Variants in STS observed in about 807,000 individuals in gnomAD.
STS encodes steryl-sulfatase.
In STS, 7 loss-of-function variants were observed where a neutral mutation model predicts 26.8. The ratio of observed to expected loss-of-function variants is 0.26; its 90% CI spans 0.15 to 0.49. The LOEUF is 0.49. Among genes scored for constraint, STS ranks in the 20% least tolerant of loss-of-function variants. The probability of loss-of-function intolerance (pLI) is 0.98; values close to 1 mark genes in which losing one functional copy is unlikely to be tolerated. For synonymous variants in STS, 199 were observed against 189.4 expected (o/e 1.05, Z -0.42); for missense variants, 434 against 465.6 (o/e 0.93, Z 0.63).
chrX:7,163,042 G>C (rs1159721089), intron 1 of STS, among the ~76,000 whole-genome samples: 1 of 84,877 alleles, frequency 1.2e-5, no homozygotes, highest in East Asian at 3.7e-4. Flanking sequence ...GGGCGACAGA[G>C]CAAGACTCCG....
At chrX:7,247,092 A>G in intron 2 of STS, among the ~76,000 whole-genome samples, 2 of 112,362 alleles carry the variant, frequency 1.8e-5, no homozygotes, top group Middle Eastern at 9.1e-3. Flanking sequence ...TTCCTCTATC[A>G]TAGAAAGTGA....
chrX:7,349,608 A>G (rs190036719), intron 10 of STS, among the ~76,000 whole-genome samples: 1 of 110,648 alleles, frequency 9.0e-6, no homozygotes, highest in Admixed American at 9.7e-5. Context: ...AAGTTCATTT[A>G]ATTCTTGATT....
rs774685730 is a variant in STS at position 7,244,551 on chromosome X, C to T, written c.-4-8645C>T. Among the ~76,000 whole-genome samples the T allele has an allele frequency of 1.3e-4, 14 of 111,538 alleles. No individual in the cohort carries two copies. The East Asian group carries it at 3.9e-3, about 31-fold the overall frequency. Reference sequence around the variant, plus strand: ...GGTGAAAATTCTACAGATGATAGGGCGGGTAACATGCTAGCACTAAGTTGG... The same window carrying T: ...GGTGAAAATTCTACAGATGATAGGGTGGGTAACATGCTAGCACTAAGTTGG... On this transcript the variant is annotated intron_variant, in intron 2 of 10. Transcript: ENST00000674429.
At chrX:7,169,159 G>A (rs1402741232) in intron 1 of STS, among the ~76,000 whole-genome samples, 1 of 109,663 alleles carries the variant, frequency 9.1e-6, no homozygotes, top group South Asian at 4.1e-4. Flanking sequence ...CCCACCCCTG[G>A]GAAACCATCA....
chrX:7,286,057 T>TTTTGTATGCATTTTGTC (rs1925118398), intron 7 of STS, among the ~76,000 whole-genome samples: 1 of 112,377 alleles, frequency 8.9e-6, no homozygotes, highest in African/African-American at 3.2e-5. Context: ...TTGGGCTTTA[T>TTTTGTATGCATTTTGTC]TTTCACACTG....
chrX:7,270,030 A>G (rs1363906393), intron 6 of STS, among the ~76,000 whole-genome samples: 1 of 112,120 alleles, frequency 8.9e-6, no homozygotes, highest in Non-Finnish European at 1.9e-5. Context: ...CTGCCTCTAT[A>G]GAATGTAAAT....
intron 10 of STS, among the ~76,000 whole-genome samples, chrX:7,339,199 A>G (rs1928171857): frequency 8.9e-6 from 1 of 111,915 alleles, no homozygotes; most frequent in South Asian, 3.7e-4. Context: ...ATCACTAGTA[A>G]TTTTGGTGAG....
chrX:7,338,979 C>T (rs1928161660), intron 10 of STS, among the ~76,000 whole-genome samples: 1 of 111,809 alleles, frequency 8.9e-6, no homozygotes, highest in East Asian at 2.8e-4. Flanking sequence ...TGAAAGATAC[C>T]TTCATTTCAA....
chrX:7,178,315 C>G (rs1051515302), intron 1 of STS, among the ~76,000 whole-genome samples: 3 of 112,192 alleles, frequency 2.7e-5, no homozygotes, highest in Non-Finnish European at 5.6e-5. Flanking sequence ...CTGAGATGCG[C>G]TACCTCTCTG....
chrX:7,239,732 T>G (rs769383457), intron 2 of STS, among the ~76,000 whole-genome samples: 1 of 111,747 alleles, frequency 8.9e-6, no homozygotes, highest in East Asian at 2.8e-4. Context: ...TTTATTTAAT[T>G]TTAAGTACTT....
At chrX:7,260,118 G>A (rs750417767) in intron 6 of STS, among the ~76,000 whole-genome samples, 5 of 111,960 alleles carry the variant, frequency 4.5e-5, no homozygotes, top group South Asian at 3.7e-4. Flanking sequence ...CTCGTGATCC[G>A]CCCGCCTCGG....
At chrX:7,343,360 G>A (rs1928379561) in intron 10 of STS, among the ~76,000 whole-genome samples, 1 of 112,113 alleles carries the variant, frequency 8.9e-6, no homozygotes, top group South Asian at 3.7e-4. Context: ...TATTACAGTA[G>A]CAACAGATTG....
At chrX:7,279,381 A>ATGTGTGTGTGTGTGTG (rs1464451565) in intron 7 of STS, among the ~76,000 whole-genome samples, 1 of 79,415 alleles carries the variant, frequency 1.3e-5, no homozygotes, top group African/African-American at 5.0e-5. Context: ...GTGTGTGTAT[A>ATGTGTGTGTGTGTGTG]TATATGTGTG....
chrX:7,307,354 G>A (rs1215309403), intron 8 of STS, among the ~76,000 whole-genome samples: 1 of 111,099 alleles, frequency 9.0e-6, no homozygotes, highest in Non-Finnish European at 1.9e-5. Flanking sequence ...GGTATTACCG[G>A]GCTGAACTGG....
chrX:7,324,393 T>C (rs754535635), intron 8 of STS, among the ~76,000 whole-genome samples: 2 of 111,420 alleles, frequency 1.8e-5, no homozygotes, highest in Non-Finnish European at 3.8e-5. Flanking sequence ...CTTTAAAAGA[T>C]ACCAGACTCT....
chrX:7,189,801 A>G (rs1933839742), intron 1 of STS, among the ~76,000 whole-genome samples: 1 of 111,652 alleles, frequency 9.0e-6, no homozygotes, highest in Non-Finnish European at 1.9e-5. Context: ...TTATACAAGT[A>G]GTAATAATTG....
At position 7,253,217 on chromosome X, in the gene STS, C is replaced by T. The variant is rs756707686; in HGVS notation, c.18C>T (p.Leu6=). 3.6e-5 allele frequency: 44 copies of T among 1,209,530 alleles called. No homozygotes were observed. In the South Asian group the frequency reaches 7.2e-4, roughly 20 times the overall value. The part of the protein sequence containing the change: MKIPF[L]LLFFLWEAES... ...ACAGGAAGATGAAGATCCCTTTCCT[C>T]CTACTGTTCTTTCTGTGGGAAGCCG... The change falls in exon 3 of 11, where the codon CTC becomes CTT. Residue 6 remains leucine (L), a synonymous_variant. Transcript: ENST00000674429.
chrX:7,156,464 C>T (rs1273785802), intron 1 of STS, among the ~76,000 whole-genome samples: 1 of 111,288 alleles, frequency 9.0e-6, no homozygotes, highest in Non-Finnish European at 1.9e-5. Context: ...CTCTTGTGGG[C>T]ACATTTCAAT....
chrX:7,148,551 A>C (rs1246444285), intron 1 of STS, among the ~76,000 whole-genome samples: 1 of 112,619 alleles, frequency 8.9e-6, no homozygotes, highest in Non-Finnish European at 1.9e-5. Flanking sequence ...GAAGATGCTC[A>C]GGGTGGTATC....
Sources: allele counts gnomAD v4.1 joint callset (sites outside exome capture counted in the v4.1 genomes callset), GRCh38; gene constraint gnomAD v4.1.1; transcripts MANE v1.5; gene names NCBI Gene and HGNC (gene_info 2026-07-23, HGNC 2026-07-21).